The following BAZ2B variants were observed in gnomAD, a reference collection of about 807,000 sequenced individuals.
The protein encoded by BAZ2B is bromodomain adjacent to zinc finger domain 2B.
Under a neutral mutation model 246.0 loss-of-function variants are expected in BAZ2B, and 91 were observed. The ratio of observed to expected loss-of-function variants is 0.37; its 90% CI spans 0.31 to 0.44. The LOEUF (loss-of-function observed/expected upper bound fraction) is 0.44, where lower values mean the gene tolerates loss of function less well. BAZ2B is among the 20% of genes least tolerant of loss of function. The pLI, the probability that BAZ2B is intolerant of heterozygous loss-of-function variation, is 1.00. For missense variants in BAZ2B, 2,332 were observed against 2,533.7 expected (o/e 0.92, Z 1.71); for synonymous variants, 855 against 860.0 (o/e 0.99, Z 0.10).
intron 1 of BAZ2B, among the ~76,000 whole-genome samples, chr2:159,613,232 A>G (rs1157707193): frequency 6.6e-6 from 1 of 152,132 alleles, no homozygotes; most frequent in Non-Finnish European, 1.5e-5. Flanking sequence ...GTATTCCAAT[A>G]AATGCATTTC....
chr2:159,550,914 C>A (rs1353979403), intron 2 of BAZ2B, among the ~76,000 whole-genome samples: 4 of 152,176 alleles, frequency 2.6e-5, no homozygotes, highest in African/African-American at 9.7e-5. Context: ...TGGCTTACTG[C>A]AGCCTTGAAC....
rs184628585 is a variant in BAZ2B, at chr2:159,587,016, C to T, written c.-46+29226G>A. ...TCACTAAACCTAATCATGTCTCTTC[C>T]CCTTTTTAACAACTTAATGTAAAAA... On this transcript the variant is annotated intron_variant, in intron 1 of 36. Transcript: ENST00000392783. Among the ~76,000 whole-genome samples, 437 of 152,210 alleles carry T rather than the reference C, an allele frequency of 2.9e-3. No individual in the cohort carries two copies. In the Middle Eastern group the frequency reaches 0.044, roughly 15 times the overall value.
At chr2:159,576,627 G>T (rs1005669957) in intron 1 of BAZ2B, among the ~76,000 whole-genome samples, 1 of 151,542 alleles carries the variant, frequency 6.6e-6, no homozygotes. Flanking sequence ...AAGTATAAAA[G>T]TTTTGGCCAG....
intron 1 of BAZ2B, among the ~76,000 whole-genome samples, chr2:159,591,189 G>A (rs545914402): frequency 2.6e-5 from 4 of 152,264 alleles, no homozygotes; most frequent in Non-Finnish European, 5.9e-5. Flanking sequence ...ACACAGAAAT[G>A]AACAGTTCTT....
the BAZ2B span, among the ~76,000 whole-genome samples, chr2:159,665,724 C>T: frequency 8.0e-5 from 12 of 150,886 alleles, no homozygotes; most frequent in East Asian, 5.9e-4. Context: ...AAGATTTAAA[C>T]GTTAGACCTA....
chr2:159,531,800 C>T (rs1260313289), intron 2 of BAZ2B, among the ~76,000 whole-genome samples: 2 of 152,160 alleles, frequency 1.3e-5, no homozygotes, highest in African/African-American at 4.8e-5. Context: ...ATATCCCCAA[C>T]TACAAGCATG....
chr2:159,654,699 G>A, the BAZ2B span, among the ~76,000 whole-genome samples: 1 of 152,200 alleles, frequency 6.6e-6, no homozygotes, highest in African/African-American at 2.4e-5. Flanking sequence ...TACAGGCCGG[G>A]CATGGTGGCT....
At chr2:159,408,747 G>A (rs749034741) in intron 14 of BAZ2B, among the ~76,000 whole-genome samples, 9 of 151,910 alleles carry the variant, frequency 5.9e-5, no homozygotes, top group Non-Finnish European at 1.0e-4. Flanking sequence ...GGTGAAAACC[G>A]AACTCTACTA....
intron 36 of BAZ2B, chr2:159,321,921 A>G (rs902377771): frequency 6.6e-6 from 1 of 152,248 alleles, no homozygotes; most frequent in South Asian, 2.1e-4. Context: ...TGTAACACAA[A>G]GGATAAATGC....
intron 2 of BAZ2B, among the ~76,000 whole-genome samples, chr2:159,485,664 T>C (rs1410751209): frequency 6.6e-6 from 1 of 152,088 alleles, no homozygotes; most frequent in Non-Finnish European, 1.5e-5. Context: ...CTCAAGTTTC[T>C]ATCAGAGTTT....
chr2:159,365,385 C>T (rs952724166), intron 27 of BAZ2B, among the ~76,000 whole-genome samples: 1 of 152,148 alleles, frequency 6.6e-6, no homozygotes, highest in African/African-American at 2.4e-5. Context: ...TTCCTTGGCA[C>T]CTGGGAGTCA....
intron 3 of BAZ2B, among the ~76,000 whole-genome samples, chr2:159,466,106 A>C (rs1010070493): frequency 6.6e-6 from 1 of 152,210 alleles, no homozygotes; most frequent in African/African-American, 2.4e-5. Context: ...ACTAAGTATA[A>C]ACTTAAGTCT....
chr2:159,546,339 CT>C (rs2087346787), intron 2 of BAZ2B, among the ~76,000 whole-genome samples: 1 of 151,666 alleles, frequency 6.6e-6, no homozygotes, highest in Admixed American at 6.6e-5. Flanking sequence ...CTTTCTCTCT[CT>C]GCCTGCCACC....
intron 13 of BAZ2B, among the ~76,000 whole-genome samples, chr2:159,422,882 A>G (rs1462103853): frequency 1.3e-5 from 2 of 152,228 alleles, no homozygotes; most frequent in Admixed American, 6.5e-5. Context: ...CCCATTAAAA[A>G]ATGGACATGA....
chr2:159,542,871 A>G (rs2086825731), intron 2 of BAZ2B, among the ~76,000 whole-genome samples: 1 of 152,210 alleles, frequency 6.6e-6, no homozygotes, highest in African/African-American at 2.4e-5. Context: ...TAATATTAAA[A>G]GCACCTAGCA....
the BAZ2B span, among the ~76,000 whole-genome samples, chr2:159,660,113 A>G: frequency 5.3e-5 from 8 of 152,140 alleles, no homozygotes; most frequent in Admixed American, 5.2e-4. Flanking sequence ...ATAACTCCCC[A>G]TTCATTTCTC....
intron 1 of BAZ2B, among the ~76,000 whole-genome samples, chr2:159,558,880 A>G (rs1402045118): frequency 6.6e-6 from 1 of 152,196 alleles, no homozygotes; most frequent in Non-Finnish European, 1.5e-5. Flanking sequence ...GTAAAAGAAG[A>G]TAAGACAGGA....
At chr2:159,325,615 C>A in intron 35 of BAZ2B, 38 bp downstream of exon 35, 1 of 1,543,632 alleles carries the variant, frequency 6.5e-7, no homozygotes, top group Non-Finnish European at 8.7e-7. Context: ...TAAAATGGGG[C>A]ATTATAAATA....
intron 27 of BAZ2B, among the ~76,000 whole-genome samples, chr2:159,360,574 T>TC (rs2059580006): frequency 7.1e-6 from 1 of 140,832 alleles, no homozygotes; most frequent in Non-Finnish European, 1.6e-5. Context: ...GCTACCACTT[T>TC]CTTCACAGAA....
Sources: gnomAD v4.1 joint callset for allele counts (sites outside exome capture counted in the v4.1 genomes callset) on GRCh38, gnomAD v4.1.1 for gene constraint, MANE v1.5 for transcripts, NCBI Gene and HGNC (gene_info 2026-07-23, HGNC 2026-07-21) for gene names.